Variants in MACROD2 observed in about 807,000 individuals in gnomAD.
MACROD2 encodes the protein ADP-ribose glycohydrolase MACROD2.
A neutral mutation model predicts 70.4 loss-of-function variants in MACROD2; 36 were observed. The observed-to-expected ratio is 0.51, with a 90% CI of 0.39 to 0.68. MACROD2 has a LOEUF of 0.68. MACROD2 is among the 30% of genes least tolerant of loss of function. The pLI is 0.00. For synonymous variants in MACROD2, 172 were observed against 178.8 expected, an observed-to-expected ratio of 0.96 and a Z score of 0.30; for missense variants, 496 against 538.4, an observed-to-expected ratio of 0.92 and a Z score of 0.78.
intron 6 of MACROD2, among the ~76,000 whole-genome samples, chr20:15,427,819 C>T (rs933424993): frequency 1.3e-5 from 2 of 152,246 alleles, no homozygotes; most frequent in Middle Eastern, 3.4e-3. Context: ...CTGCTGGGTT[C>T]TAGGTCCTAG....
Position 15,229,253 on chromosome 20 carries a change from G to A in MACROD2, c.419-687G>A, listed in dbSNP as rs980783101. Reference sequence around the variant, plus strand: ...TTTGTATTTTTCAACATAAATAGGAGTTGAACAGTATAGATTGCATTAAAA... The same window carrying A: ...TTTGTATTTTTCAACATAAATAGGAATTGAACAGTATAGATTGCATTAAAA... On this transcript the variant is annotated intron_variant, in intron 5 of 17. Transcript: ENST00000684519. Among the ~76,000 whole-genome samples, 3 of 152,138 alleles carry A rather than the reference G, an allele frequency of 2.0e-5. No homozygotes were observed. In the East Asian group the frequency reaches 5.8e-4, roughly 29 times the overall value.
At chr20:15,961,122 C>T (rs965696819) in intron 12 of MACROD2, among the ~76,000 whole-genome samples, 4 of 151,988 alleles carry the variant, frequency 2.6e-5, no homozygotes, top group Non-Finnish European at 2.9e-5. Context: ...CTGCAGCCAC[C>T]CATATTTTAA....
intron 15 of MACROD2, among the ~76,000 whole-genome samples, chr20:16,036,819 A>G (rs1017641343): frequency 6.6e-6 from 1 of 152,026 alleles, no homozygotes; most frequent in Non-Finnish European, 1.5e-5. Flanking sequence ...ACGCACGCAC[A>G]TGCAAATTCA....
intron 5 of MACROD2, among the ~76,000 whole-genome samples, chr20:15,205,079 GTACTT>G (rs1463999246): frequency 1.1e-4 from 16 of 152,204 alleles, no homozygotes; most frequent in African/African-American, 3.9e-4. Flanking sequence ...GTCAAACACT[GTACTT>G]TAATCGTTAT....
intron 6 of MACROD2, among the ~76,000 whole-genome samples, chr20:15,373,844 A>G (rs940781281): frequency 4.6e-5 from 7 of 152,274 alleles, no homozygotes; most frequent in African/African-American, 1.7e-4. Context: ...GTGTATTTTG[A>G]CATTTTTTGT....
intron 10 of MACROD2, among the ~76,000 whole-genome samples, chr20:15,930,682 G>A (rs2065562676): frequency 6.6e-6 from 1 of 152,142 alleles, no homozygotes; most frequent in Non-Finnish European, 1.5e-5. Flanking sequence ...CAGTGCCGCT[G>A]AGACTCAAAG....
intron 6 of MACROD2, among the ~76,000 whole-genome samples, chr20:15,304,697 C>G (rs539425609): frequency 1.3e-5 from 2 of 152,220 alleles, no homozygotes; most frequent in East Asian, 1.9e-4. Flanking sequence ...GACCCCTTCC[C>G]GCTCTCCCCT....
chr20:14,104,678 G>A (rs1394340817), intron 3 of MACROD2, among the ~76,000 whole-genome samples: 3 of 152,138 alleles, frequency 2.0e-5, no homozygotes, highest in African/African-American at 7.2e-5. Context: ...GGGATCCATT[G>A]GTGACGTATA....
intron 5 of MACROD2, among the ~76,000 whole-genome samples, chr20:14,689,202 A>G (rs1366593569): frequency 6.6e-6 from 1 of 152,232 alleles, no homozygotes; most frequent in African/African-American, 2.4e-5. Context: ...GTTCAAATGT[A>G]ACATCAGGTG....
chr20:14,688,109 G>A (rs2071023145), intron 5 of MACROD2, among the ~76,000 whole-genome samples: 1 of 152,086 alleles, frequency 6.6e-6, no homozygotes, highest in South Asian at 2.1e-4. Context: ...GTTACATACT[G>A]TTTGGGTCAT....
chr20:14,321,491 A>C (rs1321959536), intron 3 of MACROD2, among the ~76,000 whole-genome samples: 1 of 152,240 alleles, frequency 6.6e-6, no homozygotes, highest in East Asian at 1.9e-4. Context: ...AAGTCCCAAA[A>C]CAAAAAGTAC....
chr20:14,363,009 G>A (rs1339161491), intron 3 of MACROD2, among the ~76,000 whole-genome samples: 1 of 152,008 alleles, frequency 6.6e-6, no homozygotes, highest in Non-Finnish European at 1.5e-5. Context: ...GACCCAGTGG[G>A]AGCCGTCTGA....
chr20:15,081,491 A>T (rs2075703258), intron 5 of MACROD2, among the ~76,000 whole-genome samples: 1 of 152,150 alleles, frequency 6.6e-6, no homozygotes, highest in Non-Finnish European at 1.5e-5. Context: ...GTATCCATGA[A>T]CCACATGGCT....
intron 6 of MACROD2, among the ~76,000 whole-genome samples, chr20:15,238,987 A>AT (rs2077037469): frequency 6.6e-6 from 1 of 152,074 alleles, no homozygotes; most frequent in Non-Finnish European, 1.5e-5. Flanking sequence ...TGAGTGCTTT[A>AT]TTTTTCCCTG....
At chr20:15,305,491 G>GT (rs1180290689) in intron 6 of MACROD2, among the ~76,000 whole-genome samples, 3 of 152,032 alleles carry the variant, frequency 2.0e-5, no homozygotes, top group African/African-American at 4.8e-5. Flanking sequence ...GTTTGCTGGG[G>GT]TTTTTTTAGT....
chr20:15,192,028 A>G (rs1161374114), intron 5 of MACROD2, among the ~76,000 whole-genome samples: 4 of 150,128 alleles, frequency 2.7e-5, no homozygotes, highest in Non-Finnish European at 4.4e-5. Flanking sequence ...CTATCTATCT[A>G]TCTATCTATC....
intron 4 of MACROD2, among the ~76,000 whole-genome samples, chr20:14,563,722 A>C (rs994231149): frequency 6.6e-6 from 1 of 152,026 alleles, no homozygotes; most frequent in Middle Eastern, 3.4e-3. Flanking sequence ...TTTTCAAATA[A>C]ATTCTAGTTT....
chr20:15,933,238 C>G, intron 10 of MACROD2, 38 bp from the exon 11 acceptor site: 1 of 1,598,318 alleles, frequency 6.3e-7, no homozygotes, highest in Non-Finnish European at 8.6e-7. Flanking sequence ...CACAAATTGA[C>G]TTGATGCATT....
At chr20:14,165,118 C>A (rs2055248950) in intron 3 of MACROD2, among the ~76,000 whole-genome samples, 1 of 152,110 alleles carries the variant, frequency 6.6e-6, no homozygotes, top group Non-Finnish European at 1.5e-5. Flanking sequence ...CTGATGGGGG[C>A]TGAGTTCTCA....
Sources: allele counts gnomAD v4.1 joint callset (sites outside exome capture counted in the v4.1 genomes callset), GRCh38; gene constraint gnomAD v4.1.1; transcripts MANE v1.5; gene names NCBI Gene and HGNC (gene_info 2026-07-23, HGNC 2026-07-21).